OR8J1: variants seen among roughly 807,000 people sequenced by gnomAD.
The protein encoded by OR8J1 is olfactory receptor family 8 subfamily J member 1, also known as olfactory receptor 8J1.
For synonymous variants in OR8J1, 157 were observed against 144.3 expected (o/e 1.09, Z -0.63); for missense variants, 400 against 373.0 (o/e 1.07, Z -0.60).
chr11:56,359,008 C>CT (rs1225844965), intron 1 of OR8J1, among the ~76,000 whole-genome samples: 45 of 151,018 alleles, frequency 3.0e-4, no homozygotes, highest in East Asian at 7.8e-4. Flanking sequence ...TTCATTGTAT[C>CT]TTTTTTTTTA....
chr11:56,354,619 T>C (rs1331148784), intron 1 of OR8J1, among the ~76,000 whole-genome samples: 1 of 152,192 alleles, frequency 6.6e-6, no homozygotes, highest in African/African-American at 2.4e-5. Context: ...TCATAGAGAC[T>C]GTTTATATCA....
intron 1 of OR8J1, among the ~76,000 whole-genome samples, chr11:56,355,579 G>T (rs887369493): frequency 6.6e-6 from 1 of 152,100 alleles, no homozygotes; most frequent in South Asian, 2.1e-4. Context: ...AGTGAGCCGA[G>T]ACCGTGCCAT....
rs531726033 is a variant in OR8J1, at chr11:56,357,043, A to T, written c.-21+2718A>T. Among the ~76,000 whole-genome samples the T allele has an allele frequency of 1.5e-3, 222 of 152,198 alleles. 1 individual carries two copies. Among genetic ancestry groups the T allele is most frequent in the Middle Eastern group, 3.4e-3 (1 of 294 alleles). On this transcript the variant is annotated intron_variant, in intron 1 of 1. Transcript: ENST00000533152. ...CTCCTGTCAATGTTACCATGTTTTGATATTGAGTGTCTCCATTTTAGCTGA... is the reference window on the plus strand; with the variant it reads ...CTCCTGTCAATGTTACCATGTTTTGTTATTGAGTGTCTCCATTTTAGCTGA...
At chr11:56,358,169 C>A in intron 1 of OR8J1, 1 of 332,352 alleles carries the variant, frequency 3.0e-6, no homozygotes, top group Non-Finnish European at 5.7e-6. Context: ...GATTGGGTAG[C>A]TCGAAAGAAG....
In OR8J1 at chr11:56,360,504, A is replaced by G. The variant is rs1565120878; in HGVS notation, c.258A>G (p.Leu86=). Reference sequence around the variant, plus strand: ...CCCCTAAAATGCTGATTAACTTTTTAGTAAAGAAGAAAACTACCTCATTCT... The same window carrying G: ...CCCCTAAAATGCTGATTAACTTTTTGGTAAAGAAGAAAACTACCTCATTCT... ...VIAPKMLINF[L]VKKKTTSFYE... The change falls in exon 2 of 2, where the codon TTA becomes TTG. Residue 86 remains leucine (L), a synonymous_variant. Coordinates refer to ENST00000533152, the MANE Select transcript of OR8J1 (RefSeq NM_001005205.3). The G allele has an allele frequency of 3.7e-6, 6 of 1,614,054 alleles. No homozygotes were observed. The highest frequency in any genetic ancestry group is 1.3e-5 in the African/African-American group (1 of 74,928).
rs1838209476 is a variant in OR8J1 at position 56,361,047 on chromosome 11, AC to A, written c.802del (p.Leu268TrpfsTer15). The A allele has an allele frequency of 6.6e-7, 1 of 1,505,636 alleles. No individual in the cohort carries two copies. The highest frequency in any genetic ancestry group is 8.8e-7 in the Non-Finnish European group (1 of 1,136,390). The allele number at this position is 1,505,636 out of a possible 1,614,324, so 93.3% of individuals were successfully genotyped here. A position where few individuals can be genotyped will look rare whatever the true frequency, so the allele number is the denominator to read the frequency against. On this transcript the variant is annotated frameshift_variant, in exon 2 of 2. Transcript: ENST00000533152. LOFTEE classifies it low-confidence loss of function (END_TRUNC). ...MYVQPRSNHS[L>X]DTDDKMASVF... The stretch of plus-strand genomic sequence containing the variant: ...ATGTGCAGCCCCGAAGTAACCATTC[AC>A]TGGATACTGATGATAAGATGGCTTC...
chr11:56,355,560 G>A (rs1415055378), intron 1 of OR8J1, among the ~76,000 whole-genome samples: 1 of 152,000 alleles, frequency 6.6e-6, no homozygotes, highest in East Asian at 1.9e-4. Flanking sequence ...CCCAGGAGGC[G>A]GAGGTTGCAG....
rs1316233274 is a variant in OR8J1 at position 56,360,790 on chromosome 11, G to C, written c.544G>C (p.Val182Leu). Residue 182 changes from valine (V) to leucine (L), a missense_variant, in exon 2 of 2, where the codon GTT becomes CTT. Coordinates refer to ENST00000533152, the MANE Select transcript of OR8J1 (RefSeq NM_001005205.3). ...AATCAATCATTTTTACTGTGATAATGTTCCTCTGTTAGCATTATCTTGCTC... is the reference window on the plus strand; with the variant it reads ...AATCAATCATTTTTACTGTGATAATCTTCCTCTGTTAGCATTATCTTGCTC... Reference protein sequence around the residue: ...NIINHFYCDNVPLLALSCSDT... With the variant: ...NIINHFYCDNLPLLALSCSDT... 2 of 1,574,194 alleles carry C rather than the reference G, an allele frequency of 1.3e-6. No individual in the cohort carries two copies. The highest frequency in any genetic ancestry group is 8.6e-7 in the Non-Finnish European group (1 of 1,165,606).
rs1852630937 is a variant in OR8J1 at position 56,360,991 on chromosome 11, A to G, written c.745A>G (p.Thr249Ala). 3 of 1,474,916 alleles carry G rather than the reference A, an allele frequency of 2.0e-6. No homozygotes were observed. The South Asian group carries it at 4.6e-5, about 23-fold the overall frequency. 91.4% of individuals were successfully genotyped at this position (1,474,916 alleles called of 1,614,324 possible). ...CTGTGCTTCACATATGATGGCAGTCACAATTTTTTATGGGACATTGCTATT... is the reference window on the plus strand; with the variant it reads ...CTGTGCTTCACATATGATGGCAGTCGCAATTTTTTATGGGACATTGCTATT... ...STCASHMMAV[T>A]IFYGTLLFMY... The change falls in exon 2 of 2, where the codon ACA becomes GCA. Residue 249 changes from threonine (T) to alanine (A), a missense_variant. Thr to Ala is a moderately conservative substitution (Grantham distance 58). Transcript: ENST00000533152.
intron 1 of OR8J1, among the ~76,000 whole-genome samples, chr11:56,356,108 G>A (rs977319063): frequency 2.0e-5 from 3 of 152,248 alleles, no homozygotes; most frequent in Non-Finnish European, 1.5e-5. Flanking sequence ...CAACCTAATT[G>A]CACAAAAATC....
chr11:56,361,255 G>A lies in OR8J1; in HGVS notation c.*58G>A. On this transcript the variant is annotated 3_prime_UTR_variant, in exon 2 of 2. Coordinates refer to ENST00000533152, the MANE Select transcript of OR8J1 (RefSeq NM_001005205.3). ...TAATATAAGCTGCCATTATGTAAAA[G>A]AAAATGTAGGAAAAAGAAAAGGTAG... The A allele has an allele frequency of 1.5e-6, 1 of 679,858 alleles. No individual in the cohort carries two copies. Among genetic ancestry groups the A allele is most frequent in the Non-Finnish European group, 2.2e-6 (1 of 463,130 alleles). The allele number at this position is 679,858 out of a possible 1,614,324, so 42.1% of individuals were successfully genotyped here. A position where few individuals can be genotyped will look rare whatever the true frequency, so the allele number is the denominator to read the frequency against.
At position 56,354,343 on chromosome 11, in the gene OR8J1, AC is replaced by A. The variant is rs1854939395; in HGVS notation, c.-21+20del. On this transcript the variant is annotated intron_variant, in intron 1 of 1. Transcript: ENST00000533152. ...CTCTAGAGGTGGGTGGAAAAGACTT[AC>A]CTTATTTTTGTATAATGACCATAAT... The A allele has an allele frequency of 6.6e-6, 1 of 152,164 alleles. No homozygotes were observed. Among genetic ancestry groups the A allele is most frequent in the Non-Finnish European group, 1.5e-5 (1 of 68,030 alleles). The allele number at this position is 152,164 out of a possible 1,614,324, so 9.4% of individuals were successfully genotyped here.
At chr11:56,358,090 A>C (rs1318694040) in intron 1 of OR8J1, 1 of 529,182 alleles carries the variant, frequency 1.9e-6, no homozygotes, top group Admixed American at 2.6e-5. Flanking sequence ...AGTTTATGAA[A>C]AGAAGCCCAA....
At chr11:56,355,497 G>T (rs140326326) in intron 1 of OR8J1, among the ~76,000 whole-genome samples, 3 of 151,800 alleles carry the variant, frequency 2.0e-5, no homozygotes, top group East Asian at 1.9e-4. Context: ...ATATGGTGGC[G>T]CCCGCCTGTA....
At chr11:56,357,852 A>G in intron 1 of OR8J1, 3 of 932,906 alleles carry the variant, frequency 3.2e-6, no homozygotes, top group Non-Finnish European at 5.2e-6. Context: ...CCCTCACAGT[A>G]CCAAACAATT....
rs1852621394 is a variant in OR8J1 at position 56,360,555 on chromosome 11, G to A, written c.309G>A (p.Gly103=). 1 of 1,614,008 alleles carries A rather than the reference G, an allele frequency of 6.2e-7. No homozygotes were observed. The highest frequency in any genetic ancestry group is 8.5e-7 in the Non-Finnish European group (1 of 1,179,986). ...SFYECATQLG[G]FLFFIVSEVI... is the part of the protein sequence containing the mutation. ...ATGAATGTGCCACCCAACTGGGAGGGTTCTTGTTCTTTATTGTATCGGAGG... is the reference window on the plus strand; with the variant it reads ...ATGAATGTGCCACCCAACTGGGAGGATTCTTGTTCTTTATTGTATCGGAGG... The change falls in exon 2 of 2, where the codon GGG becomes GGA. Residue 103 remains glycine, a synonymous_variant. Transcript: ENST00000533152.
At chr11:56,357,362 A>G (rs76927240) in intron 1 of OR8J1, 15,640 of 707,712 alleles carry the variant, frequency 0.022, 246 homozygotes, top group Non-Finnish European at 0.031. Flanking sequence ...GCCTACTTTA[A>G]GAGATATACC....
intron 1 of OR8J1, among the ~76,000 whole-genome samples, chr11:56,355,910 T>C (rs1565119417): frequency 2.0e-5 from 3 of 152,154 alleles, no homozygotes; most frequent in Non-Finnish European, 4.4e-5. Flanking sequence ...GCAGAGAAGA[T>C]TCTACCTCTC....
chr11:56,360,918 T>C lies in OR8J1; in HGVS notation c.672T>C (p.Ser224=). ...TATCTTATTTCAATATTGTTTTGTC[T>C]ATTTTAAAAATATGTTCATCAGAAG... is the stretch of plus-strand genomic sequence containing the variant. ...VLVSYFNIVL[S]ILKICSSEGR... is the part of the protein sequence containing the mutation. The change falls in exon 2 of 2, where the codon TCT becomes TCC. Residue 224 remains serine (S), a synonymous_variant. Transcript: ENST00000533152. The C allele has an allele frequency of 6.7e-7, 1 of 1,484,782 alleles. No homozygotes were observed. The highest frequency in any genetic ancestry group is 1.5e-5 in the South Asian group (1 of 67,440). 92.0% of individuals were successfully genotyped at this position (1,484,782 alleles called of 1,614,324 possible).
Sources: gnomAD v4.1 joint callset for allele counts (sites outside exome capture counted in the v4.1 genomes callset) on GRCh38, gnomAD v4.1.1 for gene constraint, MANE v1.5 for transcripts, NCBI Gene and HGNC (gene_info 2026-07-23, HGNC 2026-07-21) for gene names.